PLXNA4: variants seen among roughly 807,000 people sequenced by gnomAD.
PLXNA4 encodes plexin A4.
Under a neutral mutation model 191.8 loss-of-function variants are expected in PLXNA4, and 44 were observed. The ratio of observed to expected loss-of-function variants is 0.23; its 90% CI spans 0.18 to 0.29. The LOEUF (loss-of-function observed/expected upper bound fraction) is 0.29. PLXNA4 is among the 10% of genes least tolerant of loss of function. The pLI, the probability that PLXNA4 is intolerant of heterozygous loss-of-function variation, is 1.00. For missense variants in PLXNA4, 1,800 were observed against 2,488.8 expected (o/e 0.72, Z 5.89); for synonymous variants, 1,082 against 1,009.5 (o/e 1.07, Z -1.36).
chr7:132,142,012 T>C (rs1041572310), intron 29 of PLXNA4, among the ~76,000 whole-genome samples: 4 of 152,216 alleles, frequency 2.6e-5, no homozygotes, highest in African/African-American at 7.2e-5. Context: ...ATACAAGGCG[T>C]GAGCCACTGT....
chr7:132,388,854 A>T (rs1379981807), intron 3 of PLXNA4, among the ~76,000 whole-genome samples: 1 of 152,178 alleles, frequency 6.6e-6, no homozygotes, highest in Non-Finnish European at 1.5e-5. Context: ...AGCCTTCATT[A>T]TTCTATTCCT....
At position 132,461,086 on chromosome 7, in the gene PLXNA4, A is replaced by G. The variant is rs111383747; in HGVS notation, c.1371+28206T>C. ...TTCAAGAGGACTTTTTTCTGAAAAA[A>G]ATCAAAGTAAACAGCATCTCAAAAG... On this transcript the variant is annotated intron_variant, in intron 3 of 31. Coordinates refer to ENST00000321063, the MANE Select transcript of PLXNA4 (RefSeq NM_020911.2). 2.8e-3 allele frequency among the ~76,000 whole-genome samples: 420 copies of G among 152,332 alleles called. 2 individuals carry two copies. The highest frequency in any genetic ancestry group is 4.4e-3 in the Non-Finnish European group (298 of 68,040).
At chr7:132,517,887 T>C (rs1387643074) in intron 1 of PLXNA4, among the ~76,000 whole-genome samples, 1 of 152,214 alleles carries the variant, frequency 6.6e-6, no homozygotes, top group East Asian at 1.9e-4. Flanking sequence ...CACTTATTGA[T>C]CCATGCAAAC....
chr7:132,365,546 T>C (rs1281393352), intron 3 of PLXNA4, among the ~76,000 whole-genome samples: 1 of 152,012 alleles, frequency 6.6e-6, no homozygotes, highest in African/African-American at 2.4e-5. Context: ...GTTCAATGGA[T>C]CCATCATTCC....
At chr7:132,533,880 C>T (rs12671909) in intron 1 of PLXNA4, among the ~76,000 whole-genome samples, 7,039 of 152,228 alleles carry the variant, frequency 0.046, 482 homozygotes, top group East Asian at 0.24. Flanking sequence ...TCCCACAGAA[C>T]CAGACCCCTG....
At chr7:132,613,558 A>G in intron 2 of PLXNA4, among the ~76,000 whole-genome samples, 1 of 152,162 alleles carries the variant, frequency 6.6e-6, no homozygotes, top group Admixed American at 6.5e-5. Context: ...GGCTGAGTGG[A>G]TATGGCAATG....
chr7:132,528,597 G>T (rs1431913625), intron 1 of PLXNA4, among the ~76,000 whole-genome samples: 1 of 152,200 alleles, frequency 6.6e-6, no homozygotes, highest in Non-Finnish European at 1.5e-5. Context: ...CCTGCCAGGG[G>T]CTTCAGGAAT....
intron 3 of PLXNA4, among the ~76,000 whole-genome samples, chr7:132,435,109 G>A (rs773703054): frequency 2.9e-4 from 44 of 152,112 alleles, no homozygotes; most frequent in Non-Finnish European, 5.1e-4. Context: ...TAGGACTCGA[G>A]CAGGAAGTAT....
At chr7:132,268,965 A>C (rs1285182360) in intron 4 of PLXNA4, among the ~76,000 whole-genome samples, 1 of 152,210 alleles carries the variant, frequency 6.6e-6, no homozygotes, top group Non-Finnish European at 1.5e-5. Flanking sequence ...TTGGCAAGGC[A>C]CTTGGAATAC....
chr7:132,179,567 C>A, intron 20 of PLXNA4, 120 bp downstream of exon 20: 1 of 1,436,892 alleles, frequency 7.0e-7, no homozygotes, highest in Non-Finnish European at 9.3e-7. Flanking sequence ...GCACTGCCCA[C>A]TGCTGCCCAG....
chr7:132,174,702 C>T lies in PLXNA4; in HGVS notation c.4017+76G>A, dbSNP rs7808181. ...TCCCTGGCCTTAGTTTTCTCACCTC[C>T]GAAAGAAGGGGCTGGACTTGAAGAT... On this transcript the variant is annotated intron_variant, in intron 21 of 31. Transcript: ENST00000321063. 2,053 of 1,567,608 alleles carry T rather than the reference C, an allele frequency of 1.3e-3. 28 individuals carry two copies. The African/African-American group carries it at 0.025, about 19-fold the overall frequency.
intron 3 of PLXNA4, among the ~76,000 whole-genome samples, chr7:132,440,099 G>T (rs192709839): frequency 6.6e-6 from 1 of 151,980 alleles, no homozygotes; most frequent in African/African-American, 2.4e-5. Flanking sequence ...TACATTCTCC[G>T]ATTTCCCCAC....
intron 3 of PLXNA4, among the ~76,000 whole-genome samples, chr7:132,361,987 A>C (rs1301559480): frequency 6.6e-6 from 1 of 152,226 alleles, no homozygotes; most frequent in African/African-American, 2.4e-5. Context: ...ACTGGATCTA[A>C]AGTGAGGTAT....
chr7:132,256,924 T>C (rs1308876167), intron 4 of PLXNA4, among the ~76,000 whole-genome samples: 1 of 152,192 alleles, frequency 6.6e-6, no homozygotes, highest in Non-Finnish European at 1.5e-5. Flanking sequence ...TGGACAGCTG[T>C]ACATGGCTTC....
intron 10 of PLXNA4, among the ~76,000 whole-genome samples, chr7:132,210,492 C>T (rs1434838038): frequency 6.6e-6 from 1 of 152,202 alleles, no homozygotes; most frequent in Non-Finnish European, 1.5e-5. Flanking sequence ...GTCTCAGAAG[C>T]CTTCTCTGCT....
chr7:132,422,757 C>T (rs977054452), intron 3 of PLXNA4, among the ~76,000 whole-genome samples: 4 of 152,218 alleles, frequency 2.6e-5, no homozygotes, highest in Non-Finnish European at 5.9e-5. Flanking sequence ...TCCAGGAGCT[C>T]CTGGCCATAC....
intron 24 of PLXNA4, among the ~76,000 whole-genome samples, chr7:132,162,415 C>T (rs897234530): frequency 6.6e-6 from 1 of 152,180 alleles, no homozygotes; most frequent in Admixed American, 6.5e-5. Flanking sequence ...AGTTGCGGCA[C>T]CTGAAATCAG....
chr7:132,165,624 AATTTAG>A (rs1489175555), intron 22 of PLXNA4, among the ~76,000 whole-genome samples: 1 of 152,232 alleles, frequency 6.6e-6, no homozygotes, highest in East Asian at 1.9e-4. Flanking sequence ...ATTTTTAACT[AATTTAG>A]ATTTAAATAG....
At chr7:132,477,471 G>T (rs976706253) in intron 3 of PLXNA4, among the ~76,000 whole-genome samples, 1 of 152,196 alleles carries the variant, frequency 6.6e-6, no homozygotes, top group Non-Finnish European at 1.5e-5. Flanking sequence ...ATGGAGCAGG[G>T]CTGCAGCCAG....
Sources: allele counts gnomAD v4.1 joint callset (sites outside exome capture counted in the v4.1 genomes callset), GRCh38; gene constraint gnomAD v4.1.1; transcripts MANE v1.5; gene names NCBI Gene and HGNC (gene_info 2026-07-23, HGNC 2026-07-21).